GCSAM: variants seen among roughly 807,000 people sequenced by gnomAD.
GCSAM encodes germinal center associated signaling and motility.
Under a neutral mutation model 17.6 loss-of-function variants are expected in GCSAM, and 8 were observed. The ratio of observed to expected loss-of-function variants is 0.46; its 90% CI spans 0.27 to 0.82. The LOEUF (loss-of-function observed/expected upper bound fraction) is 0.82, where lower values mean the gene tolerates loss of function less well. Among genes scored for constraint, GCSAM ranks in the 40% least tolerant of loss-of-function variants. The pLI is 0.15. For missense variants in GCSAM, 192 were observed against 213.5 expected, an observed-to-expected ratio of 0.90 and a Z score of 0.63; for synonymous variants, 68 against 69.0, an observed-to-expected ratio of 0.98 and a Z score of 0.07.
chr3:112,130,573 T>A (rs2074429688), intron 1 of GCSAM, 60 bp from the exon 2 acceptor site: 2 of 1,465,256 alleles, frequency 1.4e-6, no homozygotes, highest in African/African-American at 2.8e-5. Flanking sequence ...GTCACTTCTT[T>A]TCATAATTTT....
At chr3:112,132,815 G>T (rs962668106) in intron 1 of GCSAM, 1 of 373,004 alleles carries the variant, frequency 2.7e-6, no homozygotes, top group Non-Finnish European at 4.3e-6. Context: ...TTTCTTAGGT[G>T]GTAACCTATT....
chr3:112,121,916 G>A lies in GCSAM; in HGVS notation c.*1539C>T, dbSNP rs888327121. 1.1e-4 allele frequency: 16 copies of A among 152,182 alleles called. No homozygotes were observed. Among genetic ancestry groups the A allele is most frequent in the African/African-American group, 3.6e-4 (15 of 41,442 alleles). 9.4% of individuals were successfully genotyped at this position (152,182 alleles called of 1,614,324 possible). A position where few individuals can be genotyped will look rare whatever the true frequency, so the allele number is the denominator to read the frequency against. On this transcript the variant is annotated 3_prime_UTR_variant, in exon 6 of 6. Coordinates refer to ENST00000308910, the MANE Select transcript of GCSAM (RefSeq NM_152785.5). ...GTACCAGGTTCCCTGTCGCTTAGCT[G>A]GTCCAAGGGCCTGTCTAGTAAACAT... is the stretch of plus-strand genomic sequence containing the variant.
chr3:112,125,395 C>G lies in GCSAM; in HGVS notation c.191-141G>C, dbSNP rs2074293665. ...TCTCAGGCTATTCTGATCTACAGCA[C>G]ATCCCTGGGGAGTGACAGGACATCT... On this transcript the variant is annotated intron_variant, in intron 4 of 5. Transcript: ENST00000308910. 1.1e-5 allele frequency: 7 copies of G among 659,620 alleles called. No individual in the cohort carries two copies. The South Asian group carries it at 1.2e-4, about 12-fold the overall frequency. 40.9% of individuals were successfully genotyped at this position (659,620 alleles called of 1,614,324 possible).
In GCSAM at chr3:112,121,619, T is replaced by C. The variant is rs905644490; in HGVS notation, c.*1836A>G. The stretch of plus-strand genomic sequence containing the variant: ...TACAATATCCACTGCTAACTGAATA[T>C]TTCCTTTTGAGGATCTGATCCTGGC... On this transcript the variant is annotated 3_prime_UTR_variant, in exon 6 of 6. Transcript: ENST00000308910. 1.3e-5 allele frequency: 2 copies of C among 152,202 alleles called. No individual in the cohort carries two copies. Among genetic ancestry groups the C allele is most frequent in the Non-Finnish European group, 2.9e-5 (2 of 68,030 alleles). The allele number at this position is 152,202 out of a possible 1,614,324, so 9.4% of individuals were successfully genotyped here. A position where few individuals can be genotyped will look rare whatever the true frequency, so the allele number is the denominator to read the frequency against.
chr3:112,126,731 C>A (rs966703396), intron 4 of GCSAM, among the ~76,000 whole-genome samples: 1 of 152,166 alleles, frequency 6.6e-6, no homozygotes, highest in Non-Finnish European at 1.5e-5. Flanking sequence ...CCTTTTGTAT[C>A]CTTGCCCCCA....
intron 5 of GCSAM, 46 bp downstream of exon 5, chr3:112,125,180 A>T (rs775893026): frequency 7.8e-7 from 1 of 1,274,212 alleles, no homozygotes; most frequent in Non-Finnish European, 1.1e-6. Context: ...GGGTGTCTGT[A>T]CTTCTATCAT....
rs151154958 is a variant in GCSAM at position 112,128,650 on chromosome 3, C to T, written c.99-589G>A. The T allele has an allele frequency of 5.1e-4, 93 of 183,810 alleles. 1 individual carries two copies. Among genetic ancestry groups the T allele is most frequent in the African/African-American group, 2.1e-3 (89 of 42,340 alleles). The allele number at this position is 183,810 out of a possible 1,614,324, so 11.4% of individuals were successfully genotyped here. A position where few individuals can be genotyped will look rare whatever the true frequency, so the allele number is the denominator to read the frequency against. ...AAAATATTTGATGAAGATATGAATA[C>T]AGAATGAATAGCCAAGGACAGGACA... On this transcript the variant is annotated intron_variant, in intron 2 of 5. Coordinates refer to ENST00000308910, the MANE Select transcript of GCSAM (RefSeq NM_152785.5).
In GCSAM at chr3:112,127,144, A is replaced by G. The variant is rs1010216959; in HGVS notation, c.144-111T>C. ...TCTTTGTTAAAGTTATATACCTTTT[A>G]TAATACCTCCTTCAGCATAGATGAG... is the stretch of plus-strand genomic sequence containing the variant. On this transcript the variant is annotated intron_variant, in intron 3 of 5. Coordinates refer to ENST00000308910, the MANE Select transcript of GCSAM (RefSeq NM_152785.5). 3 of 649,434 alleles carry G rather than the reference A, an allele frequency of 4.6e-6. 1 individual carries two copies. The highest frequency in any genetic ancestry group is 7.9e-6 in the Non-Finnish European group (3 of 377,524). 40.2% of individuals were successfully genotyped at this position (649,434 alleles called of 1,614,324 possible).
At chr3:112,125,404 G>A in intron 4 of GCSAM, 150 bp from the exon 5 acceptor site, 1 of 638,586 alleles carries the variant, frequency 1.6e-6, no homozygotes, top group South Asian at 1.8e-5. Context: ...ACATCCCTGG[G>A]GAGTGACAGG....
intron 2 of GCSAM, chr3:112,128,596 C>A (rs2074383377): frequency 4.8e-6 from 1 of 208,708 alleles, no homozygotes; most frequent in African/African-American, 2.3e-5. Flanking sequence ...TATGACACAA[C>A]ATCTGGCACA....
rs892025868 is a variant in GCSAM at position 112,120,866 on chromosome 3, T to C, written c.*2589A>G. 1 of 152,338 alleles carries C rather than the reference T, an allele frequency of 6.6e-6. No individual in the cohort carries two copies. The highest frequency in any genetic ancestry group is 1.9e-4 in the East Asian group (1 of 5,188). 9.4% of individuals were successfully genotyped at this position (152,338 alleles called of 1,614,324 possible). A position where few individuals can be genotyped will look rare whatever the true frequency, so the allele number is the denominator to read the frequency against. The stretch of plus-strand genomic sequence containing the variant: ...TTTTGGGACATTAAAATTTATTTAC[T>C]GGAAATTTGAGACATCCTACATATT... On this transcript the variant is annotated 3_prime_UTR_variant, in exon 6 of 6. Transcript: ENST00000308910.
chr3:112,126,578 C>G (rs1228133132), intron 4 of GCSAM, among the ~76,000 whole-genome samples: 2 of 152,172 alleles, frequency 1.3e-5, no homozygotes, highest in Non-Finnish European at 2.9e-5. Flanking sequence ...CATACTTGCC[C>G]CCGCCTCCCC....
chr3:112,130,246 G>T, intron 2 of GCSAM, 199 bp downstream of exon 2: 1 of 596,042 alleles, frequency 1.7e-6, no homozygotes, highest in Non-Finnish European at 3.0e-6. Flanking sequence ...AGTTACATTA[G>T]GCTTCTAGCA....
At position 112,128,011 on chromosome 3, in the gene GCSAM, A is replaced by C; in HGVS notation, c.143+6T>G. 1.2e-6 allele frequency: 2 copies of C among 1,612,776 alleles called. No homozygotes were observed. Among genetic ancestry groups the C allele is most frequent in the Non-Finnish European group, 8.5e-7 (1 of 1,178,880 alleles). ...AAATAACTCCTAAAAACAACTGTCCACTCACCATGGAAGGCAGAAACACCC... is the reference window on the plus strand; with the variant it reads ...AAATAACTCCTAAAAACAACTGTCCCCTCACCATGGAAGGCAGAAACACCC... On this transcript the variant is annotated splice_donor_region_variant and intron_variant, in intron 3 of 5. Coordinates refer to ENST00000308910, the MANE Select transcript of GCSAM (RefSeq NM_152785.5).
At chr3:112,127,097 G>A in intron 3 of GCSAM, 64 bp from the exon 4 acceptor site, 1 of 1,078,102 alleles carries the variant, frequency 9.3e-7, no homozygotes. Flanking sequence ...AATGACACAA[G>A]CCTACAAAAC....
At chr3:112,131,401 A>G (rs1364737450) in intron 1 of GCSAM, among the ~76,000 whole-genome samples, 1 of 152,176 alleles carries the variant, frequency 6.6e-6, no homozygotes, top group East Asian at 1.9e-4. Flanking sequence ...TGCTGACTAG[A>G]TGATAACTGG....
intron 3 of GCSAM, among the ~76,000 whole-genome samples, chr3:112,127,446 G>A (rs1190597046): frequency 6.6e-6 from 1 of 151,942 alleles, no homozygotes; most frequent in Non-Finnish European, 1.5e-5. Flanking sequence ...CACACTCTTC[G>A]CATAAGGGAA....
Position 112,123,499 on chromosome 3 carries a change from G to C in GCSAM, c.493C>G (p.Arg165Gly). 1.2e-6 allele frequency: 2 copies of C among 1,614,170 alleles called. No homozygotes were observed. Among genetic ancestry groups the C allele is most frequent in the Non-Finnish European group, 1.7e-6 (2 of 1,180,010 alleles). Residue 165 changes from arginine (R) to glycine (G), a missense_variant, in exon 6 of 6, where the codon CGT becomes GGT. Arg to Gly is a moderately radical substitution (Grantham distance 125). Coordinates refer to ENST00000308910, the MANE Select transcript of GCSAM (RefSeq NM_152785.5). ...RISSHFLQQPRPLMAPSETQF... is the reference protein window; with the variant it reads ...RISSHFLQQPGPLMAPSETQF... ...GTCTCAGAAGGGGCCATAAGTGGAC[G>C]TGGCTGTTGCAGAAAGTGAGAGGAG...
chr3:112,125,868 T>C (rs2074306668), intron 4 of GCSAM, among the ~76,000 whole-genome samples: 1 of 152,244 alleles, frequency 6.6e-6, no homozygotes, highest in Non-Finnish European at 1.5e-5. Context: ...TTTCAAAGCC[T>C]AGTTAAAACC....
Sources: gnomAD v4.1 joint callset for allele counts (sites outside exome capture counted in the v4.1 genomes callset) on GRCh38, gnomAD v4.1.1 for gene constraint, MANE v1.5 for transcripts, NCBI Gene and HGNC (gene_info 2026-07-23, HGNC 2026-07-21) for gene names.